Variants in TENM4 observed in about 807,000 individuals in gnomAD.
The protein encoded by TENM4 is teneurin-4.
In TENM4, 82 loss-of-function variants were observed where a neutral mutation model predicts 243.3. The ratio of observed to expected loss-of-function variants is 0.34; its 90% confidence interval spans 0.28 to 0.40. The LOEUF is 0.40. Among genes scored for constraint, TENM4 ranks in the 10% least tolerant of loss-of-function variants. The pLI is 1.00. For missense variants in TENM4, 3,138 were observed against 3,673.3 expected, an observed-to-expected ratio of 0.85 and a Z score of 3.77; for synonymous variants, 1,412 against 1,456.3, an observed-to-expected ratio of 0.97 and a Z score of 0.69.
chr11:79,332,627 T>A (rs1370652832), intron 1 of TENM4, among the ~76,000 whole-genome samples: 1 of 152,164 alleles, frequency 6.6e-6, no homozygotes, highest in African/African-American at 2.4e-5. Context: ...CACCCATTGC[T>A]TCATTTTGTT....
At chr11:78,883,537 C>A (rs1855484224) in intron 9 of TENM4, among the ~76,000 whole-genome samples, 1 of 152,230 alleles carries the variant, frequency 6.6e-6, no homozygotes, top group African/African-American at 2.4e-5. Context: ...AGTGTCCTCT[C>A]AGGTCTTCAT....
At chr11:78,844,346 T>C (rs1237632807) in intron 12 of TENM4, among the ~76,000 whole-genome samples, 1 of 152,086 alleles carries the variant, frequency 6.6e-6, no homozygotes, top group Non-Finnish European at 1.5e-5. Context: ...CTTATGTCCT[T>C]ATAAAAAGAG....
At chr11:78,879,045 C>T (rs1465733631) in intron 9 of TENM4, among the ~76,000 whole-genome samples, 1 of 152,124 alleles carries the variant, frequency 6.6e-6, no homozygotes, top group Non-Finnish European at 1.5e-5. Flanking sequence ...TGCCTGGCTG[C>T]CCCATCTAGG....
At chr11:79,038,071 C>G (rs1458517287) in intron 6 of TENM4, among the ~76,000 whole-genome samples, 1 of 152,186 alleles carries the variant, frequency 6.6e-6, no homozygotes, top group Non-Finnish European at 1.5e-5. Flanking sequence ...AAAGTCAAAG[C>G]TGGACAAAGG....
intron 4 of TENM4, among the ~76,000 whole-genome samples, chr11:79,100,106 T>G (rs879543765): frequency 2.0e-5 from 3 of 152,312 alleles, no homozygotes; most frequent in Non-Finnish European, 2.9e-5. Flanking sequence ...CCTGAGCACG[T>G]TTCCCTGTCT....
chr11:78,995,643 G>A (rs896079027), intron 6 of TENM4, among the ~76,000 whole-genome samples: 2 of 151,382 alleles, frequency 1.3e-5, no homozygotes, highest in African/African-American at 4.8e-5. Flanking sequence ...AGTGGTGGGT[G>A]GAAAAGAATT....
intron 1 of TENM4, among the ~76,000 whole-genome samples, chr11:79,420,385 A>G (rs1858905346): frequency 6.6e-6 from 1 of 152,210 alleles, no homozygotes; most frequent in African/African-American, 2.4e-5. Flanking sequence ...TGCTTGGACC[A>G]TATCACTAAG....
At chr11:78,701,380 G>T in intron 28 of TENM4, 146 bp downstream of exon 28, 1 of 1,157,058 alleles carries the variant, frequency 8.6e-7, no homozygotes, top group Non-Finnish European at 1.2e-6. Context: ...GAGAAATCAT[G>T]TGGAATATGA....
intron 7 of TENM4, among the ~76,000 whole-genome samples, chr11:78,899,095 T>G (rs1416217711): frequency 6.6e-6 from 1 of 152,090 alleles, no homozygotes; most frequent in Non-Finnish European, 1.5e-5. Flanking sequence ...ATGACTGCTT[T>G]GACTAACAGA....
At chr11:79,295,435 T>G (rs1318608788) in intron 2 of TENM4, among the ~76,000 whole-genome samples, 2 of 152,110 alleles carry the variant, frequency 1.3e-5, no homozygotes, top group Non-Finnish European at 2.9e-5. Context: ...CAGTAGTAAG[T>G]GACCCCCGCC....
chr11:78,981,337 A>G (rs1222884835), intron 6 of TENM4, among the ~76,000 whole-genome samples: 2 of 152,208 alleles, frequency 1.3e-5, no homozygotes, highest in Non-Finnish European at 2.9e-5. Context: ...ATCTCATTGC[A>G]TCCCCACGAC....
At position 79,243,533 on chromosome 11, in the gene TENM4, G is replaced by A. The variant is rs1855461363; in HGVS notation, c.-264-27624C>T. Among the ~76,000 whole-genome samples, 6 of 152,270 alleles carry A rather than the reference G, an allele frequency of 3.9e-5. 1 individual carries two copies. Among genetic ancestry groups the A allele is most frequent in the Middle Eastern group, 6.8e-3 (2 of 294 alleles). ...GTAAAACAGAAAATGACAACAAAAC[G>A]CTGCAGGGGATATTGAATCATGAGA... On this transcript the variant is annotated intron_variant, in intron 2 of 33. Transcript: ENST00000278550.
In TENM4 at chr11:78,786,967, C is replaced by G. The variant is rs760037052; in HGVS notation, c.2296G>C (p.Glu766Gln). 3 of 1,593,698 alleles carry G rather than the reference C, an allele frequency of 1.9e-6. No homozygotes were observed. In the African/African-American group the frequency reaches 4.0e-5, roughly 21 times the overall value. ...DQRACHPRCA[E>Q]HGTCRDGKCE... ...TTGCCGTCGCGGCAGGTCCCATGCT[C>G]GGCACAGCGCGGGTGGCAGGCCCGC... The change falls in exon 16 of 34, where the codon GAG becomes CAG. Residue 766 changes from glutamate to glutamine, a missense_variant. Physicochemically the swap from Glu to Gln is conservative, Grantham distance 29. Around this residue, in one of 2 missense-constraint regions of TENM4, gnomAD observed 2,467 missense variants for 3,059.1 expected, o/e 0.81. Coordinates refer to ENST00000278550, the MANE Select transcript of TENM4 (RefSeq NM_001098816.3).
intron 10 of TENM4, among the ~76,000 whole-genome samples, chr11:78,857,437 T>C (rs1858707012): frequency 6.6e-6 from 1 of 152,228 alleles, no homozygotes; most frequent in African/African-American, 2.4e-5. Context: ...GATGCTGAAA[T>C]GAAGCCTGGC....
At position 78,761,018 on chromosome 11, in the gene TENM4, T is replaced by C. The variant is rs556955238; in HGVS notation, c.2540-3997A>G. 1.3e-4 allele frequency among the ~76,000 whole-genome samples: 20 copies of C among 152,310 alleles called. 1 individual carries two copies. The highest frequency in any genetic ancestry group is 6.2e-4 in the South Asian group (3 of 4,814). On this transcript the variant is annotated intron_variant, in intron 18 of 33. Coordinates refer to ENST00000278550, the MANE Select transcript of TENM4 (RefSeq NM_001098816.3). ...CTTGTTCTATGGTTTTTATATATCG[T>C]TTTCTCTCTTTAGTCATTTAAAAGT...
At chr11:79,135,336 A>T (rs924151743) in intron 4 of TENM4, among the ~76,000 whole-genome samples, 3 of 148,818 alleles carry the variant, frequency 2.0e-5, no homozygotes, top group Admixed American at 1.3e-4. Context: ...ATCAAAAAAT[A>T]AAAAAAAAAC....
chr11:79,180,530 G>T (rs925420593), intron 3 of TENM4, among the ~76,000 whole-genome samples: 1 of 151,754 alleles, frequency 6.6e-6, no homozygotes, highest in Admixed American at 6.6e-5. Context: ...TTTATACAGT[G>T]AGAACAATAC....
At chr11:78,898,274 T>C (rs1178867030) in intron 7 of TENM4, among the ~76,000 whole-genome samples, 4 of 152,260 alleles carry the variant, frequency 2.6e-5, no homozygotes, top group African/African-American at 9.6e-5. Flanking sequence ...GCCCTCTCTC[T>C]TCTTCATCCT....
At chr11:79,435,231 T>C (rs940459578) in intron 1 of TENM4, among the ~76,000 whole-genome samples, 1 of 151,754 alleles carries the variant, frequency 6.6e-6, no homozygotes, top group African/African-American at 2.4e-5. Context: ...ATAAAGACTG[T>C]AAAAGAAAAA....
Sources: allele counts gnomAD v4.1 joint callset (sites outside exome capture counted in the v4.1 genomes callset), GRCh38; gene constraint gnomAD v4.1.1; regional missense constraint gnomAD v4.1.1; transcripts MANE v1.5; gene names NCBI Gene and HGNC (gene_info 2026-07-23, HGNC 2026-07-21).